The following RPRD1A variants were observed in gnomAD, a reference collection of about 807,000 sequenced individuals.
The protein encoded by RPRD1A is regulation of nuclear pre-mRNA domain-containing protein 1A.
RPRD1A carries 9 observed loss-of-function variants against 37.8 expected under a neutral mutation model. The observed-to-expected ratio is 0.24, with a 90% CI of 0.14 to 0.42. RPRD1A has a LOEUF of 0.42. Among genes scored for constraint, RPRD1A ranks in the 10% least tolerant of loss-of-function variants. RPRD1A has a pLI of 1.00. For synonymous variants in RPRD1A, 138 were observed against 139.7 expected (o/e 0.99, Z 0.08); for missense variants, 255 against 371.0 (o/e 0.69, Z 2.57).
intron 1 of RPRD1A, among the ~76,000 whole-genome samples, chr18:36,040,328 A>G (rs1396849879): frequency 6.6e-6 from 1 of 152,238 alleles, no homozygotes; most frequent in Non-Finnish European, 1.5e-5. Context: ...CAAGTTGATA[A>G]AAGTCTACTT....
chr18:35,992,991 A>C lies in RPRD1A; in HGVS notation c.*160T>G, dbSNP rs956230119. 9.4e-6 allele frequency: 5 copies of C among 533,210 alleles called. No individual in the cohort carries two copies. The highest frequency in any genetic ancestry group is 1.5e-5 in the Non-Finnish European group (5 of 333,924). 33.0% of individuals were successfully genotyped at this position (533,210 alleles called of 1,614,324 possible). On this transcript the variant is annotated 3_prime_UTR_variant, in exon 7 of 7. Transcript: ENST00000399022. Reference sequence around the variant, plus strand: ...AGTCATGTTAATTTACCAATAAAATAGTAAACAAACCAACATTTTAAACAA... The same window carrying C: ...AGTCATGTTAATTTACCAATAAAATCGTAAACAAACCAACATTTTAAACAA...
chr18:36,042,790 A>G lies in RPRD1A; in HGVS notation c.152-8953T>C, dbSNP rs571885804. On this transcript the variant is annotated intron_variant, in intron 1 of 6. Coordinates refer to ENST00000399022, the MANE Select transcript of RPRD1A (RefSeq NM_018170.5). ...AGTCTGACACCAACTAAAATTGACA[A>G]AAGTATGGGTGAGATGACCAAATTT... Among the ~76,000 whole-genome samples the G allele has an allele frequency of 3.9e-5, 6 of 152,314 alleles. 1 individual carries two copies. In the South Asian group the frequency reaches 1.2e-3, roughly 32 times the overall value.
intron 1 of RPRD1A, among the ~76,000 whole-genome samples, chr18:36,039,793 C>T (rs1199671523): frequency 3.3e-5 from 5 of 152,092 alleles, no homozygotes; most frequent in African/African-American, 1.2e-4. Flanking sequence ...TAAGAACCAT[C>T]ATTCCGAGGG....
intron 1 of RPRD1A, among the ~76,000 whole-genome samples, chr18:36,043,601 A>G (rs536348596): frequency 1.8e-4 from 27 of 152,334 alleles, no homozygotes; most frequent in African/African-American, 6.5e-4. Context: ...TACACTGTCA[A>G]CTGGAACAGT....
chr18:36,018,403 G>A (rs1568124538), intron 6 of RPRD1A, among the ~76,000 whole-genome samples: 1 of 151,792 alleles, frequency 6.6e-6, no homozygotes, highest in African/African-American at 2.4e-5. Flanking sequence ...ACTCCCGAGT[G>A]GCTGGGACTA....
intron 6 of RPRD1A, among the ~76,000 whole-genome samples, chr18:36,020,809 G>A (rs1382094440): frequency 6.6e-6 from 1 of 150,878 alleles, no homozygotes; most frequent in Non-Finnish European, 1.5e-5. Context: ...GTGAGATCCT[G>A]TCTATTTAAA....
At chr18:36,031,437 A>G (rs529946243) in intron 2 of RPRD1A, among the ~76,000 whole-genome samples, 1 of 152,232 alleles carries the variant, frequency 6.6e-6, no homozygotes, top group Non-Finnish European at 1.5e-5. Context: ...TTTTAAATTT[A>G]TTCAACAAAT....
rs528372439 is a variant in RPRD1A at position 36,052,857 on chromosome 18, C to G, written c.151+14397G>C. ...TCGTGATCCACCCGCCTCGGCCTCC[C>G]AAAGTGCTGGGATTACAGATGTGAG... On this transcript the variant is annotated intron_variant, in intron 1 of 6. Transcript: ENST00000399022. 17 of 152,174 alleles carry G rather than the reference C, an allele frequency of 1.1e-4. 1 individual carries two copies. Among genetic ancestry groups the G allele is most frequent in the African/African-American group, 3.6e-4 (15 of 41,518 alleles). The allele number at this position is 152,174 out of a possible 1,614,324, so 9.4% of individuals were successfully genotyped here.
At chr18:36,045,651 A>G (rs540382686) in intron 1 of RPRD1A, among the ~76,000 whole-genome samples, 5 of 152,370 alleles carry the variant, frequency 3.3e-5, no homozygotes, top group African/African-American at 1.2e-4. Context: ...GACTGAAAGA[A>G]TTAGACATTC....
intron 4 of RPRD1A, among the ~76,000 whole-genome samples, chr18:36,029,542 C>T (rs1423266137): frequency 6.7e-6 from 1 of 150,192 alleles, no homozygotes; most frequent in Non-Finnish European, 1.5e-5. Flanking sequence ...GTTATGTCTT[C>T]ATTTTCTCAT....
chr18:35,994,511 G>A (rs1033861068), intron 6 of RPRD1A, among the ~76,000 whole-genome samples: 1 of 152,226 alleles, frequency 6.6e-6, no homozygotes, highest in Non-Finnish European at 1.5e-5. Flanking sequence ...CTGCTGTGAG[G>A]AATAATGAGG....
Position 36,067,354 on chromosome 18 carries a change from G to A in RPRD1A, c.51C>T (p.Ser17=). Residue 17 remains serine (S), a synonymous_variant, in exon 1 of 7, where the codon AGC becomes AGT. Coordinates refer to ENST00000399022, the MANE Select transcript of RPRD1A (RefSeq NM_018170.5). ...AGGTCTGCACGCTCTGCTGCGAGTT[G>A]CTCAACTCCGACAGCTTCTTCTCCA... is the stretch of plus-strand genomic sequence containing the variant. ...AALEKKLSEL[S]NSQQSVQTLS... is the part of the protein sequence containing the mutation. The A allele has an allele frequency of 6.2e-7, 1 of 1,608,214 alleles. No homozygotes were observed. The highest frequency in any genetic ancestry group is 8.5e-7 in the Non-Finnish European group (1 of 1,177,556).
chr18:35,995,948 T>C (rs1265872073), intron 6 of RPRD1A, among the ~76,000 whole-genome samples: 3 of 152,190 alleles, frequency 2.0e-5, no homozygotes, highest in Non-Finnish European at 2.9e-5. Context: ...TGACCAGTAG[T>C]GCTGAAAACT....
At chr18:36,037,545 G>C (rs1018990763) in intron 1 of RPRD1A, among the ~76,000 whole-genome samples, 1 of 152,194 alleles carries the variant, frequency 6.6e-6, no homozygotes, top group Non-Finnish European at 1.5e-5. Context: ...CATGAGAACA[G>C]ACTAATACAG....
chr18:36,029,431 C>T (rs569071192), intron 4 of RPRD1A, among the ~76,000 whole-genome samples: 1 of 152,128 alleles, frequency 6.6e-6, no homozygotes, highest in Non-Finnish European at 1.5e-5. Context: ...ATGTCTGCTT[C>T]GGGACCAGGG....
At chr18:36,032,414 A>G (rs1598634938) in intron 2 of RPRD1A, among the ~76,000 whole-genome samples, 1 of 152,332 alleles carries the variant, frequency 6.6e-6, no homozygotes, top group East Asian at 1.9e-4. Context: ...TAGACTATAG[A>G]CTGTGTGGAA....
intron 6 of RPRD1A, among the ~76,000 whole-genome samples, chr18:35,999,436 T>C (rs569259177): frequency 6.6e-6 from 1 of 152,238 alleles, no homozygotes; most frequent in Non-Finnish European, 1.5e-5. Context: ...TGAGATGATA[T>C]CAGAATCACC....
In RPRD1A at chr18:36,015,155, C is replaced by CAT. The variant is rs1196956389; in HGVS notation, c.789+11744_789+11745insAT. Among the ~76,000 whole-genome samples, 3 of 93,552 alleles carry CAT rather than the reference C, an allele frequency of 3.2e-5. 1 individual carries two copies. Among genetic ancestry groups the CAT allele is most frequent in the African/African-American group, 1.0e-4 (3 of 30,014 alleles). 61.4% of individuals were successfully genotyped at this position (93,552 alleles called of 152,430 possible). A position where few individuals can be genotyped will look rare whatever the true frequency, so the allele number is the denominator to read the frequency against. On this transcript the variant is annotated intron_variant, in intron 6 of 6. Transcript: ENST00000399022. ...ATACACACACACACACACACACACA[C>CAT]ACATATATACACATATATACACACA...
chr18:36,031,575 G>A (rs527319734), intron 2 of RPRD1A, among the ~76,000 whole-genome samples: 11 of 152,104 alleles, frequency 7.2e-5, no homozygotes, highest in Non-Finnish European at 1.0e-4. Context: ...AGAGATATCC[G>A]GAAGAGTATT....
Sources: gnomAD v4.1 joint callset for allele counts (sites outside exome capture counted in the v4.1 genomes callset) on GRCh38, gnomAD v4.1.1 for gene constraint, MANE v1.5 for transcripts, NCBI Gene and HGNC (gene_info 2026-07-23, HGNC 2026-07-21) for gene names.